Variants in LMBR1 observed in about 807,000 individuals in gnomAD.
The protein encoded by LMBR1 is limb region 1 protein homolog.
LMBR1 carries 52 observed loss-of-function variants against 73.9 expected under a neutral mutation model. The observed-to-expected ratio is 0.70, with a 90% CI of 0.56 to 0.89. LMBR1 has a LOEUF of 0.89. Ranked by LOEUF, LMBR1 falls within the 40% of genes least tolerant of loss-of-function variation. The probability of loss-of-function intolerance (pLI) is 0.00; values close to 1 mark genes in which losing one functional copy is unlikely to be tolerated. For synonymous variants in LMBR1, 215 were observed against 209.4 expected, an observed-to-expected ratio of 1.03 and a Z score of -0.23; for missense variants, 539 against 579.8, an observed-to-expected ratio of 0.93 and a Z score of 0.72.
intron 5 of LMBR1, among the ~76,000 whole-genome samples, chr7:156,786,934 T>G (rs1327624197): frequency 6.6e-6 from 1 of 152,190 alleles, no homozygotes; most frequent in Non-Finnish European, 1.5e-5. Flanking sequence ...GATTAAATTA[T>G]ACATAACATT....
chr7:156,779,343 T>C (rs1394408000), intron 5 of LMBR1, among the ~76,000 whole-genome samples: 2 of 152,194 alleles, frequency 1.3e-5, no homozygotes, highest in Non-Finnish European at 2.9e-5. Flanking sequence ...GAAACACCAC[T>C]GAAATTAAGT....
chr7:156,873,713 T>C (rs887794517), intron 1 of LMBR1, among the ~76,000 whole-genome samples: 7 of 151,998 alleles, frequency 4.6e-5, no homozygotes, highest in African/African-American at 1.7e-4. Context: ...ATTGGTGCAT[T>C]CACAAACCTT....
At chr7:156,676,292 CAG>C (rs750580669), downstream of LMBR1, 4 of 1,591,312 alleles carry the variant, frequency 2.5e-6, no homozygotes, top group Non-Finnish European at 3.4e-6. Context: ...GATTTTAACA[CAG>C]AATGAAACTT....
intron 10 of LMBR1, among the ~76,000 whole-genome samples, chr7:156,731,562 T>C (rs1371234763): frequency 1.3e-5 from 2 of 152,170 alleles, no homozygotes; most frequent in African/African-American, 4.8e-5. Flanking sequence ...CAGAAGACAG[T>C]AGAACAACAT....
At chr7:156,720,238 T>C (rs929720789) in intron 15 of LMBR1, among the ~76,000 whole-genome samples, 1 of 151,958 alleles carries the variant, frequency 6.6e-6, no homozygotes, top group African/African-American at 2.4e-5. Flanking sequence ...GAATCTACAA[T>C]GAACTCAAAC....
chr7:156,857,627 T>C (rs1279838373), intron 1 of LMBR1, among the ~76,000 whole-genome samples: 1 of 152,202 alleles, frequency 6.6e-6, no homozygotes, highest in Non-Finnish European at 1.5e-5. Context: ...ATTTATAGAA[T>C]ATTTCATCCA....
chr7:156,773,141 C>G (rs1385131634), intron 5 of LMBR1, among the ~76,000 whole-genome samples: 1 of 151,918 alleles, frequency 6.6e-6, no homozygotes, highest in African/African-American at 2.4e-5. Flanking sequence ...TACAGCTAGT[C>G]AGGGAGGTGA....
intron 5 of LMBR1, among the ~76,000 whole-genome samples, chr7:156,778,923 G>A (rs535891726): frequency 3.8e-4 from 58 of 152,248 alleles, no homozygotes; most frequent in African/African-American, 1.2e-3. Flanking sequence ...AGAAAGCCCC[G>A]AGGGGAAGCT....
At chr7:156,879,993 C>G (rs774184818) in intron 1 of LMBR1, among the ~76,000 whole-genome samples, 13 of 152,222 alleles carry the variant, frequency 8.5e-5, no homozygotes, top group African/African-American at 1.2e-4. Context: ...AGCAATACCA[C>G]TACTGGGTAT....
chr7:156,854,710 G>A (rs910532092), intron 1 of LMBR1, among the ~76,000 whole-genome samples: 22 of 152,062 alleles, frequency 1.4e-4, no homozygotes, highest in African/African-American at 3.9e-4. Flanking sequence ...GTCACAGACC[G>A]GGGCATAGGC....
intron 5 of LMBR1, among the ~76,000 whole-genome samples, chr7:156,769,699 G>A (rs1430790775): frequency 1.3e-5 from 2 of 152,206 alleles, no homozygotes; most frequent in Non-Finnish European, 2.9e-5. Flanking sequence ...AGGCATGAGT[G>A]CCAGCAGGTC....
intron 4 of LMBR1, among the ~76,000 whole-genome samples, chr7:156,817,124 T>C (rs1256897709): frequency 6.6e-6 from 1 of 152,144 alleles, no homozygotes; most frequent in Non-Finnish European, 1.5e-5. Context: ...CAAGACTGAA[T>C]TTCCAGATCA....
intron 9 of LMBR1, among the ~76,000 whole-genome samples, chr7:156,747,599 C>T (rs766056339): frequency 1.1e-3 from 171 of 152,206 alleles, no homozygotes; most frequent in Non-Finnish European, 2.0e-3. Flanking sequence ...AATTCAGTGT[C>T]CTAAACTTAG....
intron 5 of LMBR1, among the ~76,000 whole-genome samples, chr7:156,795,479 T>C (rs1373836324): frequency 2.6e-5 from 4 of 152,198 alleles, no homozygotes; most frequent in Non-Finnish European, 5.9e-5. Flanking sequence ...GTTGAATGAA[T>C]GAATATCCAT....
intron 1 of LMBR1, among the ~76,000 whole-genome samples, chr7:156,877,611 C>CG (rs766061501): frequency 1.3e-5 from 2 of 152,122 alleles, no homozygotes; most frequent in Admixed American, 1.3e-4. Flanking sequence ...CGGCCGGGCG[C>CG]GGTGGCTCAT....
At chr7:156,861,642 T>C (rs944997751) in intron 1 of LMBR1, among the ~76,000 whole-genome samples, 5 of 152,202 alleles carry the variant, frequency 3.3e-5, no homozygotes, top group African/African-American at 1.2e-4. Context: ...GTTTTCCTTT[T>C]ACAACTGAAT....
intron 9 of LMBR1, among the ~76,000 whole-genome samples, chr7:156,742,217 G>A (rs1819028566): frequency 6.6e-6 from 1 of 151,848 alleles, no homozygotes; most frequent in African/African-American, 2.4e-5. Context: ...ATAATCTAAT[G>A]ATGCATCTTA....
At chr7:156,677,712 G>A (rs566874518), downstream of LMBR1, 4 of 152,256 alleles carry the variant, frequency 2.6e-5, no homozygotes, top group African/African-American at 9.6e-5. Context: ...ACTCTCCTAT[G>A]TTTTGTGATG....
At chr7:156,880,038 G>A (rs956999024) in intron 1 of LMBR1, among the ~76,000 whole-genome samples, 4 of 152,176 alleles carry the variant, frequency 2.6e-5, no homozygotes, top group African/African-American at 9.7e-5. Context: ...ATACAAAAAA[G>A]ATACTTGCAT....
Sources: allele counts gnomAD v4.1 joint callset (sites outside exome capture counted in the v4.1 genomes callset), GRCh38; gene constraint gnomAD v4.1.1; transcripts MANE v1.5; gene names NCBI Gene and HGNC (gene_info 2026-07-23, HGNC 2026-07-21).